CYTH1: variants seen among roughly 807,000 people sequenced by gnomAD.
The protein encoded by CYTH1 is cytohesin-1.
CYTH1 carries 18 observed loss-of-function variants against 61.8 expected under a neutral mutation model. The ratio of observed to expected loss-of-function variants is 0.29; its 90% CI spans 0.20 to 0.43. The LOEUF (loss-of-function observed/expected upper bound fraction) is 0.43. Among genes scored for constraint, CYTH1 ranks in the 20% least tolerant of loss-of-function variants. CYTH1 has a pLI of 1.00. For missense variants in CYTH1, 336 were observed against 510.5 expected (o/e 0.66, Z 3.29); for synonymous variants, 174 against 184.3 (o/e 0.94, Z 0.45).
chr17:78,760,874 A>G (rs557380538), intron 1 of CYTH1, among the ~76,000 whole-genome samples: 2 of 152,098 alleles, frequency 1.3e-5, no homozygotes, highest in Admixed American at 6.6e-5. Context: ...AAAGTCAACC[A>G]TAAGTCAGAG....
chr17:78,684,691 G>A (rs1033158392), intron 11 of CYTH1, among the ~76,000 whole-genome samples: 2 of 152,168 alleles, frequency 1.3e-5, no homozygotes, highest in Non-Finnish European at 2.9e-5. Context: ...TTGTGTGTGT[G>A]CAGAGAGATG....
intron 12 of CYTH1, among the ~76,000 whole-genome samples, chr17:78,680,582 CGTAAA>C (rs1016344634): frequency 2.0e-5 from 3 of 152,188 alleles, no homozygotes; most frequent in African/African-American, 7.2e-5. Context: ...TTGCAATGTA[CGTAAA>C]ATGCGGAGAG....
At chr17:78,693,010 T>C (rs2092904190) in intron 10 of CYTH1, among the ~76,000 whole-genome samples, 1 of 152,020 alleles carries the variant, frequency 6.6e-6, no homozygotes, top group Non-Finnish European at 1.5e-5. Context: ...ACGAAGTAAA[T>C]CCCCATGGTT....
intron 1 of CYTH1, among the ~76,000 whole-genome samples, chr17:78,744,057 G>T (rs2093351036): frequency 6.6e-6 from 1 of 152,230 alleles, no homozygotes; most frequent in Non-Finnish European, 1.5e-5. Flanking sequence ...GAGGAAGAAA[G>T]GATGGGAATC....
At chr17:78,771,593 T>C (rs1177152732) in intron 1 of CYTH1, among the ~76,000 whole-genome samples, 1 of 152,004 alleles carries the variant, frequency 6.6e-6, no homozygotes, top group Non-Finnish European at 1.5e-5. Context: ...TAGCTGGGCA[T>C]GGTGGCATGC....
At chr17:78,782,161 G>A in intron 1 of CYTH1, 41 bp downstream of exon 1, 1 of 1,347,348 alleles carries the variant, frequency 7.4e-7, no homozygotes, top group Non-Finnish European at 9.7e-7. Flanking sequence ...GGGGACTGGG[G>A]GACAGCGAGG....
At chr17:78,761,210 A>G (rs1042768824) in intron 1 of CYTH1, among the ~76,000 whole-genome samples, 1 of 152,144 alleles carries the variant, frequency 6.6e-6, no homozygotes, top group Admixed American at 6.6e-5. Flanking sequence ...ACACAACAGC[A>G]GTTCCCCACC....
At chr17:78,725,204 G>A (rs916788823) in intron 1 of CYTH1, among the ~76,000 whole-genome samples, 1 of 152,010 alleles carries the variant, frequency 6.6e-6, no homozygotes, top group Admixed American at 6.6e-5. Context: ...GCCATCCGTC[G>A]AGTCTTACCT....
rs1431713435 is a variant in CYTH1, at chr17:78,696,011, T to C, written c.812-2A>G. 7.3e-7 allele frequency: 1 copy of C among 1,367,778 alleles called. No individual in the cohort carries two copies. Among genetic ancestry groups the C allele is most frequent in the Non-Finnish European group, 9.8e-7 (1 of 1,022,004 alleles). The allele number at this position is 1,367,778 out of a possible 1,614,324, so 84.7% of individuals were successfully genotyped here. Reference sequence around the variant, plus strand: ...AGCAGGCTGAGGGTTACATACCTCCTGGAGTTTGGGGCAAGGAAAAGGAGA... The same window carrying C: ...AGCAGGCTGAGGGTTACATACCTCCCGGAGTTTGGGGCAAGGAAAAGGAGA... On this transcript the variant is annotated splice_acceptor_variant, in intron 9 of 13. Transcript: ENST00000446868. LOFTEE classifies it high-confidence loss of function.
At position 78,756,979 on chromosome 17, in the gene CYTH1, CTTTT is replaced by C. The variant is rs1014223113; in HGVS notation, c.22+25219_22+25222del. Among the ~76,000 whole-genome samples the C allele has an allele frequency of 4.1e-3, 584 of 141,538 alleles. 5 individuals carry two copies. The highest frequency in any genetic ancestry group is 4.3e-3 in the Non-Finnish European group (281 of 65,492). The allele number at this position is 141,538 out of a possible 152,430, so 92.9% of individuals were successfully genotyped here. ...GGAATTTCAAGGTTTGAATTTTTTT[CTTTT>C]TTTTCTTTTTTTTTTTTTTTTTTGA... On this transcript the variant is annotated intron_variant, in intron 1 of 13. Transcript: ENST00000446868.
At chr17:78,720,064 A>C (rs978089571) in intron 1 of CYTH1, among the ~76,000 whole-genome samples, 16 of 152,186 alleles carry the variant, frequency 1.1e-4, no homozygotes, top group Non-Finnish European at 2.1e-4. Flanking sequence ...ATAGAGACAG[A>C]CAGTGGGATG....
intron 11 of CYTH1, among the ~76,000 whole-genome samples, chr17:78,682,815 CCCTAAGGAGGCAG>C (rs2144044012): frequency 6.6e-6 from 1 of 152,298 alleles, no homozygotes; most frequent in East Asian, 1.9e-4. Flanking sequence ...TTCTGAGGCC[CCCTAAGGAGGCAG>C]CCTTGGCGTG....
rs1308427761 is a variant in CYTH1, at chr17:78,717,064, C to A, written c.23-7332G>T. On this transcript the variant is annotated intron_variant, in intron 1 of 13. Coordinates refer to ENST00000446868, the MANE Select transcript of CYTH1 (RefSeq NM_004762.6). This position sits in a 1 kb window ranked among gnomAD's most constrained non-coding sequence, Gnocchi z 4.4. ...TCAGATGGGCCAGATGGCAGCACAA[C>A]AAACAGCTCCTCCCTCCCCCACTGC... The A allele has an allele frequency of 2.0e-5, 3 of 152,466 alleles. No homozygotes were observed. The East Asian group carries it at 5.8e-4, about 29-fold the overall frequency. 9.4% of individuals were successfully genotyped at this position (152,466 alleles called of 1,614,324 possible).
chr17:78,766,953 C>T (rs2093451203), intron 1 of CYTH1, among the ~76,000 whole-genome samples: 1 of 152,236 alleles, frequency 6.6e-6, no homozygotes, highest in Non-Finnish European at 1.5e-5. Flanking sequence ...AATCTCTCTA[C>T]TTCTCCATTT....
intron 1 of CYTH1, among the ~76,000 whole-genome samples, chr17:78,746,989 T>C (rs556656525): frequency 1.3e-5 from 2 of 151,572 alleles, no homozygotes; most frequent in African/African-American, 4.8e-5. Flanking sequence ...TAAAAAAAGA[T>C]TTGACTCTTT....
intron 1 of CYTH1, among the ~76,000 whole-genome samples, chr17:78,746,299 CA>C (rs35374197): frequency 6.6e-6 from 1 of 151,856 alleles, no homozygotes; most frequent in African/African-American, 2.4e-5. Flanking sequence ...TCAACTCCTC[CA>C]AAAAAATATT....
rs751494741 is a variant in CYTH1 at position 78,760,384 on chromosome 17, T to TATATATATATATACAC, written c.22+21817_22+21818insGTGTATATATATATAT. ...ATATATATATATATATATATATATA[T>TATATATATATATACAC]ACACACACATACATATATATATGTG... On this transcript the variant is annotated intron_variant, in intron 1 of 13. Coordinates refer to ENST00000446868, the MANE Select transcript of CYTH1 (RefSeq NM_004762.6). 7.8e-5 allele frequency among the ~76,000 whole-genome samples: 4 copies of TATATATATATATACAC among 51,406 alleles called. 1 individual carries two copies. The highest frequency in any genetic ancestry group is 1.6e-4 in the African/African-American group (2 of 12,576). 33.7% of individuals were successfully genotyped at this position (51,406 alleles called of 152,430 possible). A position where few individuals can be genotyped will look rare whatever the true frequency, so the allele number is the denominator to read the frequency against.
Position 78,700,323 on chromosome 17 carries a change from G to C in CYTH1, c.550+8C>G, listed in dbSNP as rs1190626315. On this transcript the variant is annotated splice_region_variant and intron_variant, in intron 7 of 13. Coordinates refer to ENST00000446868, the MANE Select transcript of CYTH1 (RefSeq NM_004762.6). The surrounding 1 kb of genome is among the most constrained non-coding windows in gnomAD (Gnocchi z 5.1). ...CCATCATAAACTAGGATGAATGATC[G>C]TATTTACCCGTGGACTGGAACACGC... 6.2e-7 allele frequency: 1 copy of C among 1,600,356 alleles called. No individual in the cohort carries two copies. Among genetic ancestry groups the C allele is most frequent in the Non-Finnish European group, 8.5e-7 (1 of 1,173,316 alleles).
intron 1 of CYTH1, among the ~76,000 whole-genome samples, chr17:78,750,459 G>A (rs1425142408): frequency 6.6e-6 from 1 of 152,096 alleles, no homozygotes; most frequent in Non-Finnish European, 1.5e-5. Context: ...TTTAGGGGTA[G>A]GAAGAGGGCT....
Sources: gnomAD v4.1 joint callset for allele counts (sites outside exome capture counted in the v4.1 genomes callset) on GRCh38, gnomAD v4.1.1 for gene constraint, Gnocchi (gnomAD v3.1) non-coding constraint, MANE v1.5 for transcripts, NCBI Gene and HGNC (gene_info 2026-07-23, HGNC 2026-07-21) for gene names.